Variants in GPATCH2 observed in about 807,000 individuals in gnomAD.
GPATCH2 encodes G patch domain-containing protein 2.
A neutral mutation model predicts 58.0 loss-of-function variants in GPATCH2; 51 were observed. The observed-to-expected ratio is 0.88, with a 90% confidence interval of 0.70 to 1.11. The LOEUF (loss-of-function observed/expected upper bound fraction) is 1.11, where lower values mean the gene tolerates loss of function less well. GPATCH2 is among the 50% of genes most tolerant of loss of function. The pLI, the probability that GPATCH2 is intolerant of heterozygous loss-of-function variation, is 0.00. For missense variants in GPATCH2, 625 were observed against 652.2 expected (o/e 0.96, Z 0.45); for synonymous variants, 222 against 218.5 (o/e 1.02, Z -0.14).
At chr1:217,490,594 C>T (rs1661676586) in intron 8 of GPATCH2, among the ~76,000 whole-genome samples, 1 of 152,128 alleles carries the variant, frequency 6.6e-6, no homozygotes, top group South Asian at 2.1e-4. Flanking sequence ...TCAGATGTAT[C>T]TTTCCTTTCA....
At chr1:217,471,789 T>G (rs911569933) in intron 8 of GPATCH2, among the ~76,000 whole-genome samples, 1 of 152,200 alleles carries the variant, frequency 6.6e-6, no homozygotes, top group Non-Finnish European at 1.5e-5. Flanking sequence ...TTCTTCTCAC[T>G]ATTAATAGAC....
chr1:217,440,393 A>G (rs1313614474), intron 9 of GPATCH2, among the ~76,000 whole-genome samples: 1 of 152,188 alleles, frequency 6.6e-6, no homozygotes, highest in Non-Finnish European at 1.5e-5. Flanking sequence ...TGACAAACCC[A>G]CAGCCAATAT....
chr1:217,475,619 A>G (rs1196794607), intron 8 of GPATCH2, among the ~76,000 whole-genome samples: 1 of 152,192 alleles, frequency 6.6e-6, no homozygotes, highest in Admixed American at 6.5e-5. Context: ...TTAGAGGATC[A>G]TTTAAGGGTG....
chr1:217,513,320 C>T lies in GPATCH2; in HGVS notation c.1166+1502G>A, dbSNP rs115176829. On this transcript the variant is annotated intron_variant, in intron 6 of 9. Transcript: ENST00000366935. ...GAAAAAAAAAAAATTAGCCTACCTT[C>T]TCAACAATTCTATAGTCTATGCATC... is the stretch of plus-strand genomic sequence containing the variant. 7.2e-3 allele frequency among the ~76,000 whole-genome samples: 1,096 copies of T among 151,960 alleles called. 14 individuals carry two copies. Among genetic ancestry groups the T allele is most frequent in the African/African-American group, 0.025 (1,046 of 41,486 alleles).
At chr1:217,546,518 C>T (rs1015361223) in intron 5 of GPATCH2, among the ~76,000 whole-genome samples, 3 of 152,152 alleles carry the variant, frequency 2.0e-5, no homozygotes, top group African/African-American at 7.2e-5. Context: ...TAAAAGGATT[C>T]CCTTCAATAA....
At chr1:217,575,561 C>G (rs940466375) in intron 5 of GPATCH2, among the ~76,000 whole-genome samples, 3 of 152,068 alleles carry the variant, frequency 2.0e-5, no homozygotes, top group African/African-American at 7.2e-5. Flanking sequence ...GTTACTGATT[C>G]TTTATGTGCT....
At chr1:217,630,060 T>C (rs934511962) in intron 1 of GPATCH2, among the ~76,000 whole-genome samples, 3 of 152,134 alleles carry the variant, frequency 2.0e-5, no homozygotes, top group African/African-American at 7.2e-5. Flanking sequence ...AATGGGAAAT[T>C]GCTTGTTTGT....
At chr1:217,594,622 G>GCTAT (rs1220597750) in intron 5 of GPATCH2, among the ~76,000 whole-genome samples, 3 of 152,056 alleles carry the variant, frequency 2.0e-5, no homozygotes, top group African/African-American at 7.2e-5. Context: ...ACACAGTGAT[G>GCTAT]CTATATATTC....
At chr1:217,521,358 CAA>C (rs35333815) in intron 5 of GPATCH2, among the ~76,000 whole-genome samples, 8 of 101,148 alleles carry the variant, frequency 7.9e-5, no homozygotes, top group Non-Finnish European at 1.3e-4. Context: ...AGGGAGACTG[CAA>C]AAAAAAAAAA....
At chr1:217,610,081 G>A in intron 5 of GPATCH2, 7 of 1,522,382 alleles carry the variant, frequency 4.6e-6, no homozygotes, top group Non-Finnish European at 6.2e-6. Context: ...CAGGGAAGAG[G>A]ACAGGAGCCA....
At chr1:217,526,395 T>TA (rs1041905222) in intron 5 of GPATCH2, among the ~76,000 whole-genome samples, 4 of 150,586 alleles carry the variant, frequency 2.7e-5, no homozygotes, top group East Asian at 1.9e-4. Context: ...TTTCCATAGC[T>TA]AAAAAAAAAG....
chr1:217,584,364 T>TATATATATATATAC (rs1226981154), intron 5 of GPATCH2, among the ~76,000 whole-genome samples: 1 of 121,550 alleles, frequency 8.2e-6, no homozygotes, highest in African/African-American at 3.1e-5. Flanking sequence ...TATATATATA[T>TATATATATATATAC]ACACACACAC....
chr1:217,472,568 C>T (rs562167621), intron 8 of GPATCH2, among the ~76,000 whole-genome samples: 3 of 152,218 alleles, frequency 2.0e-5, no homozygotes, highest in Admixed American at 2.0e-4. Context: ...TCCTAAAGTG[C>T]TGGGATTACA....
chr1:217,449,556 T>C (rs969407967), intron 8 of GPATCH2, among the ~76,000 whole-genome samples: 1 of 152,188 alleles, frequency 6.6e-6, no homozygotes, highest in African/African-American at 2.4e-5. Context: ...ATGAATAATA[T>C]AAAAGGAATG....
chr1:217,446,670 T>C (rs950024928), intron 9 of GPATCH2, among the ~76,000 whole-genome samples: 3 of 152,092 alleles, frequency 2.0e-5, no homozygotes, highest in African/African-American at 7.2e-5. Flanking sequence ...ATGAATTTTA[T>C]CTTCTAAGTA....
At chr1:217,610,280 C>T (rs1571649610) in intron 5 of GPATCH2, 41 bp downstream of exon 5, 1 of 1,481,344 alleles carries the variant, frequency 6.8e-7, no homozygotes, top group Non-Finnish European at 9.4e-7. Flanking sequence ...GAAATGGAAA[C>T]ATTTCCAAAC....
chr1:217,507,504 T>G (rs1271388458), intron 6 of GPATCH2, among the ~76,000 whole-genome samples: 1 of 152,192 alleles, frequency 6.6e-6, no homozygotes, highest in Non-Finnish European at 1.5e-5. Flanking sequence ...TTCTGACAAA[T>G]TATTTTATTT....
intron 6 of GPATCH2, among the ~76,000 whole-genome samples, chr1:217,501,938 A>C (rs1662326132): frequency 6.6e-6 from 1 of 152,182 alleles, no homozygotes; most frequent in East Asian, 1.9e-4. Context: ...TTTCCAGAAC[A>C]CTAGTTTCAA....
In GPATCH2 at chr1:217,428,851, A is replaced by G. The variant is rs1332575900; in HGVS notation, c.*2294T>C. 3 of 152,216 alleles carry G rather than the reference A, an allele frequency of 2.0e-5. No homozygotes were observed. Among genetic ancestry groups the G allele is most frequent in the Non-Finnish European group, 4.4e-5 (3 of 68,038 alleles). 9.4% of individuals were successfully genotyped at this position (152,216 alleles called of 1,614,324 possible). ...TTTGTACCTGTCCAGAACAGCAACA[A>G]TAAAGAGCACTCATAAGGACTGCAA... On this transcript the variant is annotated 3_prime_UTR_variant, in exon 10 of 10. Coordinates refer to ENST00000366935, the MANE Select transcript of GPATCH2 (RefSeq NM_018040.5).
Sources: allele counts gnomAD v4.1 joint callset (sites outside exome capture counted in the v4.1 genomes callset), GRCh38; gene constraint gnomAD v4.1.1; transcripts MANE v1.5; gene names NCBI Gene and HGNC (gene_info 2026-07-23, HGNC 2026-07-21).